Variants in IFT172 observed in about 807,000 individuals in gnomAD.
IFT172 encodes intraflagellar transport 172, also known as intraflagellar transport protein 172 homolog.
A neutral mutation model predicts 248.9 loss-of-function variants in IFT172; 164 were observed. The ratio of observed to expected loss-of-function variants is 0.66; its 90% confidence interval spans 0.58 to 0.75. The LOEUF (loss-of-function observed/expected upper bound fraction) is 0.75. IFT172 is among the 30% of genes least tolerant of loss of function. IFT172 has a pLI of 0.00. For missense variants in IFT172, 1,950 were observed against 2,192.4 expected (o/e 0.89, Z 2.21); for synonymous variants, 729 against 791.6 (o/e 0.92, Z 1.33).
rs1160237424 is a variant in IFT172 at position 27,465,766 on chromosome 2, A to G, written c.1809T>C (p.Ile603=). 3 of 1,613,922 alleles carry G rather than the reference A, an allele frequency of 1.9e-6. No homozygotes were observed. The Admixed American group carries it at 5.0e-5, about 27-fold the overall frequency. ...DEGLIEFGTA[I]DDGNYIRATA... ...CTCACCGGATGTAGTTGCCATCATCAATGGCTGTTCCAAACTCGATGAGGC... is the reference window on the plus strand; with the variant it reads ...CTCACCGGATGTAGTTGCCATCATCGATGGCTGTTCCAAACTCGATGAGGC... Residue 603 remains isoleucine, a synonymous_variant, in exon 17 of 48, where the codon ATT becomes ATC. Transcript: ENST00000260570.
In IFT172 at chr2:27,444,532, A is replaced by G. The variant is rs779019745; in HGVS notation, c.5161-11T>C. 1.9e-6 allele frequency: 3 copies of G among 1,605,708 alleles called. No individual in the cohort carries two copies. The highest frequency in any genetic ancestry group is 2.6e-6 in the Non-Finnish European group (3 of 1,173,286). On this transcript the variant is annotated splice_polypyrimidine_tract_variant and intron_variant, in intron 47 of 47. Coordinates refer to ENST00000260570, the MANE Select transcript of IFT172 (RefSeq NM_015662.3). ...TGGGCTGTGGGAGGTCTGTGAGCAA[A>G]TGGAAGAACATGAGAGGAACTTGTT...
Position 27,457,566 on chromosome 2 carries a change from C to A in IFT172, c.3228+73G>T, listed in dbSNP as rs746120929. The A allele has an allele frequency of 5.2e-4, 677 of 1,302,048 alleles. 2 individuals are homozygous for A. The highest frequency in any genetic ancestry group is 1.1e-3 in the Admixed American group (65 of 58,304). The allele number at this position is 1,302,048 out of a possible 1,614,324, so 80.7% of individuals were successfully genotyped here. A position where few individuals can be genotyped will look rare whatever the true frequency, so the allele number is the denominator to read the frequency against. ...CTCCAGCCTGGGTGACAGAGTGAGACCCTTTCTGAAAAAAAGGAAAAACGT... is the reference window on the plus strand; with the variant it reads ...CTCCAGCCTGGGTGACAGAGTGAGAACCTTTCTGAAAAAAAGGAAAAACGT... On this transcript the variant is annotated intron_variant, in intron 29 of 47. Transcript: ENST00000260570.
rs878962267 is a variant in IFT172, at chr2:27,445,168, A to G, written c.5069-63T>C. The G allele has an allele frequency of 1.4e-5, 23 of 1,605,086 alleles. No individual in the cohort carries two copies. In the South Asian group the frequency reaches 2.5e-4, roughly 18 times the overall value. ...AGAGATTGAGGAGGGAAAAATGAGG[A>G]GCAGCCTGGGGGGTAGAAAGCACAG... On this transcript the variant is annotated intron_variant, in intron 46 of 47. Coordinates refer to ENST00000260570, the MANE Select transcript of IFT172 (RefSeq NM_015662.3). This position sits in a 1 kb window ranked among gnomAD's most constrained non-coding sequence, Gnocchi z 4.4.
Position 27,447,495 on chromosome 2 carries a change from T to C in IFT172, c.4659+20A>G. ...ATGAGCCCTTCTGACTGAGTGTTCCTTCGACCCCCTACATCTCACCAGCTG... is the reference window on the plus strand; with the variant it reads ...ATGAGCCCTTCTGACTGAGTGTTCCCTCGACCCCCTACATCTCACCAGCTG... On this transcript the variant is annotated intron_variant, in intron 42 of 47. Transcript: ENST00000260570. 2 of 1,612,458 alleles carry C rather than the reference T, an allele frequency of 1.2e-6. No individual in the cohort carries two copies. Among genetic ancestry groups the C allele is most frequent in the Non-Finnish European group, 8.5e-7 (1 of 1,179,016 alleles).
chr2:27,448,673 T>C (rs1343825959), intron 40 of IFT172, among the ~76,000 whole-genome samples: 1 of 152,104 alleles, frequency 6.6e-6, no homozygotes. Flanking sequence ...GCTAACAGCA[T>C]GGGGAGCTCC....
At chr2:27,459,164 A>G in intron 25 of IFT172, 1 of 635,516 alleles carries the variant, frequency 1.6e-6, no homozygotes, top group East Asian at 2.8e-5. Flanking sequence ...ACAGCTAGAG[A>G]CTCACTTTAT....
Position 27,476,654 on chromosome 2 carries a change from C to G in IFT172, c.1398G>C (p.Lys466Asn), listed in dbSNP as rs748144351. 6.3e-7 allele frequency: 1 copy of G among 1,583,502 alleles called. No individual in the cohort carries two copies. Among genetic ancestry groups the G allele is most frequent in the South Asian group, 1.1e-5 (1 of 90,292 alleles). ...NKKLAYLIDI[K>N]TIAIVDLIGG... The stretch of plus-strand genomic sequence containing the variant: ...AGTCTTACTCACCTATAGCAATAGT[C>G]TTAATATCAATAAGATAAGCCAATT... Residue 466 changes from lysine to asparagine, a missense_variant, in exon 14 of 48, where the codon AAG (lysine) becomes AAC (asparagine). Transcript: ENST00000260570.
chr2:27,470,019 A>G (rs911857080), intron 16 of IFT172, among the ~76,000 whole-genome samples: 1 of 152,122 alleles, frequency 6.6e-6, no homozygotes, highest in Admixed American at 6.5e-5. Flanking sequence ...GGTAACCTCT[A>G]CAGAAACAGG....
chr2:27,465,412 T>C lies in IFT172; in HGVS notation c.1936A>G (p.Arg646Gly). The change falls in exon 18 of 48, where the codon AGG (arginine) becomes GGG (glycine). Residue 646 changes from arginine to glycine, a missense_variant and splice_region_variant. Coordinates refer to ENST00000260570, the MANE Select transcript of IFT172 (RefSeq NM_015662.3). ...LEARQLHIAE[R>G]CFSALGQVAK... The stretch of plus-strand genomic sequence containing the variant: ...CTCTGTTCTACATGTCTACCTCACC[T>C]CTCCGCAATGTGTAGTTGCCTTGCC... The C allele has an allele frequency of 6.2e-7, 1 of 1,613,660 alleles. No homozygotes were observed. The highest frequency in any genetic ancestry group is 1.1e-5 in the South Asian group (1 of 91,076).
rs757464563 is a variant in IFT172, at chr2:27,446,342, G to A, written c.4673C>T (p.Ala1558Val). The A allele has an allele frequency of 8.1e-6, 13 of 1,614,078 alleles. 1 individual carries two copies. In the African/African-American group the frequency reaches 1.5e-4, roughly 18 times the overall value. ...QSVKQLETVA[A>V]RLSVSLLRHT... ...ACGCAAGAGTGAAACAGAAAGCCTG[G>A]CAGCCACGGTTTCCTGGGATTAAAG... The change falls in exon 43 of 48, where the codon GCC becomes GTC. Residue 1558 changes from alanine (A) to valine (V), a missense_variant. Ala to Val is a moderately conservative substitution (Grantham distance 64, BLOSUM62 0). This residue lies in a region of IFT172 where 620 missense variants were observed against 699.0 expected (regional missense o/e 0.89). Transcript: ENST00000260570.
At chr2:27,484,172 T>C in intron 4 of IFT172, 55 bp downstream of exon 4, 7 of 1,605,538 alleles carry the variant, frequency 4.4e-6, no homozygotes, top group Non-Finnish European at 6.0e-6. Flanking sequence ...TATAAGTAGA[T>C]ATACTGATAT....
Position 27,449,578 on chromosome 2 carries a change from G to A in IFT172, c.4161-16C>T, listed in dbSNP as rs573518240. On this transcript the variant is annotated splice_polypyrimidine_tract_variant and intron_variant, in intron 37 of 47. Coordinates refer to ENST00000260570, the MANE Select transcript of IFT172 (RefSeq NM_015662.3). The stretch of plus-strand genomic sequence containing the variant: ...GTCTTCATACCTGTGAAGATGTTCA[G>A]AGAGCTCCATCTTCATGTTCCAGAA... 5.1e-5 allele frequency: 83 copies of A among 1,614,110 alleles called. No individual in the cohort carries two copies. Among genetic ancestry groups the A allele is most frequent in the Non-Finnish European group, 6.4e-5 (75 of 1,180,014 alleles).
chr2:27,465,620 G>T (rs753145981), intron 17 of IFT172, 102 bp from the exon 18 acceptor site: 4 of 1,534,684 alleles, frequency 2.6e-6, no homozygotes, highest in South Asian at 2.2e-5. Flanking sequence ...GGCCATCTTT[G>T]TCTCATCTCC....
chr2:27,445,792 T>C lies in IFT172; in HGVS notation c.4867A>G (p.Thr1623Ala), dbSNP rs750991615. Residue 1623 changes from threonine (T) to alanine (A), a missense_variant, in exon 45 of 48, where the codon ACA becomes GCA. By Grantham distance (58) the Thr-to-Ala change is moderately conservative. Transcript: ENST00000260570. This position sits in a 1 kb window ranked among gnomAD's most constrained non-coding sequence, Gnocchi z 4.4. Reference protein sequence around the residue: ...DGLDHSDFQDTDIPFEVPLPA... With the variant: ...DGLDHSDFQDADIPFEVPLPA... The stretch of plus-strand genomic sequence containing the variant: ...AGTGGCACCTCAAAGGGAATGTCTG[T>C]ATCCTGAAAATCAGAGTGGTCAAGG... 3.2e-5 allele frequency: 51 copies of C among 1,614,028 alleles called. No individual in the cohort carries two copies. Among genetic ancestry groups the C allele is most frequent in the Non-Finnish European group, 4.3e-5 (51 of 1,180,038 alleles).
rs372748754 is a variant in IFT172, at chr2:27,446,091, G to T, written c.4756-103C>A. ...GGGAGTGAGCAAGCTGGGCTTGAAT[G>T]CTATTTCTCTGGGATCCAGGGAGAA... On this transcript the variant is annotated intron_variant, in intron 43 of 47. Coordinates refer to ENST00000260570, the MANE Select transcript of IFT172 (RefSeq NM_015662.3). 1.0e-5 allele frequency: 15 copies of T among 1,467,352 alleles called. No individual in the cohort carries two copies. The African/African-American group carries it at 2.1e-4, about 20-fold the overall frequency. The allele number at this position is 1,467,352 out of a possible 1,614,324, so 90.9% of individuals were successfully genotyped here. A position where few individuals can be genotyped will look rare whatever the true frequency, so the allele number is the denominator to read the frequency against.
rs1468553045 is a variant in IFT172, at chr2:27,477,288, G to A, written c.1254C>T (p.Thr418=). The change falls in exon 13 of 48, where the codon ACC becomes ACT. Residue 418 remains threonine (T), a synonymous_variant. Transcript: ENST00000260570. Reference sequence around the variant, plus strand: ...TGTCATTATTCCCATATTCCACCAGGGTTAGCTCTCCGGCATTGAAGATCA... The same window carrying A: ...TGTCATTATTCCCATATTCCACCAGAGTTAGCTCTCCGGCATTGAAGATCA... ...VCMIFNAGEL[T]LVEYGNNDTL... is the part of the protein sequence containing the mutation. The A allele has an allele frequency of 1.9e-6, 3 of 1,613,966 alleles. No homozygotes were observed. In the African/African-American group the frequency reaches 4.0e-5, roughly 22 times the overall value.
At chr2:27,459,852 T>G in intron 23 of IFT172, 23 bp from the exon 24 acceptor site, 1 of 1,607,238 alleles carries the variant, frequency 6.2e-7, no homozygotes, top group Non-Finnish European at 8.5e-7. Flanking sequence ...GAAAAGATGC[T>G]CAGCCCAGAT....
At chr2:27,483,981 G>C (rs1329446596) in intron 4 of IFT172, 44 bp from the exon 5 acceptor site, 1 of 1,562,952 alleles carries the variant, frequency 6.4e-7, no homozygotes, top group Non-Finnish European at 8.8e-7. Context: ...CATCTGTGTG[G>C]GCCAGCACTT....
In IFT172 at chr2:27,455,583, C is replaced by T. The variant is rs531008157; in HGVS notation, c.3372-923G>A. ...AAAATTAGCCGGGCGTGGTGGCGGG[C>T]ACCTGTAGTCCCAGCTACTCAGGAG... On this transcript the variant is annotated intron_variant, in intron 30 of 47. Coordinates refer to ENST00000260570, the MANE Select transcript of IFT172 (RefSeq NM_015662.3). Among the ~76,000 whole-genome samples the T allele has an allele frequency of 2.0e-5, 3 of 152,198 alleles. No homozygotes were observed. The East Asian group carries it at 5.8e-4, about 30-fold the overall frequency.
Sources: gnomAD v4.1 joint callset for allele counts (sites outside exome capture counted in the v4.1 genomes callset) on GRCh38, gnomAD v4.1.1 for gene constraint, gnomAD v4.1.1 regional missense constraint, Gnocchi (gnomAD v3.1) non-coding constraint, MANE v1.5 for transcripts, NCBI Gene and HGNC (gene_info 2026-07-23, HGNC 2026-07-21) for gene names.